The following COG5 variants were observed in gnomAD, a reference collection of about 807,000 sequenced individuals.
The protein encoded by COG5 is component of oligomeric golgi complex 5.
In COG5, 86 loss-of-function variants were observed where a neutral mutation model predicts 110.4. That is an observed-to-expected ratio of 0.78 (90% CI 0.65 to 0.93). The LOEUF is 0.93. COG5 is among the 40% of genes least tolerant of loss of function. The pLI, the probability that COG5 is intolerant of heterozygous loss-of-function variation, is 0.00. For missense variants in COG5, 1,077 were observed against 987.0 expected (o/e 1.09, Z -1.22); for synonymous variants, 360 against 334.6 (o/e 1.08, Z -0.83).
intron 19 of COG5, among the ~76,000 whole-genome samples, chr7:107,218,236 C>T (rs899930392): frequency 9.2e-5 from 14 of 152,142 alleles, no homozygotes; most frequent in South Asian, 6.2e-4. Context: ...TCTGTGTTCA[C>T]GGACTTGAAG....
intron 10 of COG5, among the ~76,000 whole-genome samples, chr7:107,331,552 G>C (rs529083765): frequency 4.9e-4 from 74 of 152,220 alleles, no homozygotes; most frequent in Non-Finnish European, 8.4e-4. Flanking sequence ...CAGGCAAAAA[G>C]ATCAGTTAGG....
At chr7:107,509,702 G>A (rs991634891) in intron 6 of COG5, among the ~76,000 whole-genome samples, 52 of 148,550 alleles carry the variant, frequency 3.5e-4, no homozygotes, top group Admixed American at 5.4e-4. Flanking sequence ...CGGATCTCTC[G>A]GCAGAAACTC....
At chr7:107,299,762 A>C (rs1192899446) in intron 11 of COG5, among the ~76,000 whole-genome samples, 1 of 149,422 alleles carries the variant, frequency 6.7e-6, no homozygotes, top group Non-Finnish European at 1.5e-5. Flanking sequence ...AATCTAGTCA[A>C]ACAATATATA....
intron 3 of COG5, among the ~76,000 whole-genome samples, chr7:107,553,197 T>G (rs1287431641): frequency 6.6e-6 from 1 of 152,126 alleles, no homozygotes; most frequent in East Asian, 1.9e-4. Flanking sequence ...TTATGTAATA[T>G]TCTCAGGTAC....
At chr7:107,475,191 C>T (rs1318946526) in intron 6 of COG5, 1 of 1,611,494 alleles carries the variant, frequency 6.2e-7, no homozygotes, top group Non-Finnish European at 8.5e-7. Flanking sequence ...TTCAAAAGGT[C>T]TTGAAAAGTA....
intron 6 of COG5, among the ~76,000 whole-genome samples, chr7:107,468,753 G>A (rs1456453088): frequency 1.3e-5 from 2 of 151,948 alleles, no homozygotes; most frequent in African/African-American, 4.8e-5. Context: ...AGTTCCAATT[G>A]CAAATAAAAA....
intron 12 of COG5, among the ~76,000 whole-genome samples, chr7:107,296,923 T>A (rs1286555375): frequency 6.6e-6 from 1 of 152,210 alleles, no homozygotes; most frequent in Non-Finnish European, 1.5e-5. Context: ...AATATGATTC[T>A]AGTGTTTAAA....
intron 14 of COG5, among the ~76,000 whole-genome samples, chr7:107,261,031 C>G (rs1247788893): frequency 6.6e-6 from 1 of 151,964 alleles, no homozygotes; most frequent in Non-Finnish European, 1.5e-5. Flanking sequence ...CCGTAACACC[C>G]ACCCGTCACC....
intron 14 of COG5, among the ~76,000 whole-genome samples, chr7:107,277,471 G>C (rs1278549329): frequency 2.0e-5 from 3 of 152,120 alleles, no homozygotes; most frequent in South Asian, 4.2e-4. Flanking sequence ...TGAAAAATAA[G>C]GCGAGTTGGA....
intron 14 of COG5, among the ~76,000 whole-genome samples, chr7:107,267,545 T>C (rs913866488): frequency 6.6e-6 from 1 of 152,218 alleles, no homozygotes; most frequent in African/African-American, 2.4e-5. Flanking sequence ...ATACTGTAAG[T>C]AATTTATTAA....
At chr7:107,471,822 T>C (rs921025279) in intron 6 of COG5, 2 of 152,018 alleles carry the variant, frequency 1.3e-5, no homozygotes, top group African/African-American at 2.4e-5. Context: ...TTTTTCTATC[T>C]GACTTTTATG....
intron 12 of COG5, among the ~76,000 whole-genome samples, chr7:107,295,026 T>TAC (rs1562955496): frequency 2.0e-5 from 2 of 99,696 alleles, no homozygotes; most frequent in African/African-American, 7.3e-5. Context: ...CATATATATA[T>TAC]ACACACACAT....
chr7:107,546,461 G>A (rs546532036), intron 5 of COG5, among the ~76,000 whole-genome samples: 4 of 120,554 alleles, frequency 3.3e-5, no homozygotes, highest in East Asian at 2.5e-4. Flanking sequence ...TTTGAGACAA[G>A]GTCTCGCTCT....
At chr7:107,262,708 G>A (rs1330727416) in intron 14 of COG5, among the ~76,000 whole-genome samples, 1 of 151,934 alleles carries the variant, frequency 6.6e-6, no homozygotes, top group Non-Finnish European at 1.5e-5. Context: ...TCTAATCTCC[G>A]ACACCTCCTT....
intron 1 of COG5, among the ~76,000 whole-genome samples, chr7:107,562,540 T>C (rs1033051669): frequency 3.3e-5 from 5 of 152,234 alleles, no homozygotes; most frequent in African/African-American, 1.2e-4. Flanking sequence ...GATTATTTCC[T>C]CTACTAGATG....
chr7:107,469,609 T>A (rs1013828068), intron 6 of COG5, among the ~76,000 whole-genome samples: 10 of 152,158 alleles, frequency 6.6e-5, no homozygotes, highest in South Asian at 2.1e-4. Flanking sequence ...ACAAACAAAC[T>A]ATTTAAAATT....
chr7:107,300,086 G>A (rs1807137230), intron 11 of COG5, among the ~76,000 whole-genome samples: 1 of 151,488 alleles, frequency 6.6e-6, no homozygotes, highest in Admixed American at 6.6e-5. Context: ...AAAAGCGTAT[G>A]CTCCTTTCAA....
intron 6 of COG5, among the ~76,000 whole-genome samples, chr7:107,442,145 C>G (rs1794739370): frequency 6.6e-6 from 1 of 152,124 alleles, no homozygotes; most frequent in Non-Finnish European, 1.5e-5. Context: ...GCAGACATCC[C>G]CCCCTGTTCT....
chr7:107,406,255 T>C (rs1791828737), intron 7 of COG5, among the ~76,000 whole-genome samples: 1 of 152,240 alleles, frequency 6.6e-6, no homozygotes, highest in South Asian at 2.1e-4. Flanking sequence ...TATAGTTCCC[T>C]GACTCCTATT....
Sources: gnomAD v4.1 joint callset for allele counts (sites outside exome capture counted in the v4.1 genomes callset) on GRCh38, gnomAD v4.1.1 for gene constraint, MANE v1.5 for transcripts, NCBI Gene and HGNC (gene_info 2026-07-23, HGNC 2026-07-21) for gene names.